The following PPP3CA variants were observed in gnomAD, a reference collection of about 807,000 sequenced individuals.
The protein encoded by PPP3CA is protein phosphatase 3 catalytic subunit alpha.
PPP3CA carries 14 observed loss-of-function variants against 66.5 expected under a neutral mutation model. The ratio of observed to expected loss-of-function variants is 0.21; its 90% CI spans 0.14 to 0.33. The LOEUF is 0.33. Among genes scored for constraint, PPP3CA ranks in the 10% least tolerant of loss-of-function variants. PPP3CA has a pLI of 1.00. For missense variants in PPP3CA, 317 were observed against 639.5 expected (o/e 0.50, Z 5.44); for synonymous variants, 232 against 226.2 (o/e 1.03, Z -0.23).
Position 101,109,142 on chromosome 4 carries a change from T to A in PPP3CA, c.260-64A>T, listed in dbSNP as rs1721559801. On this transcript the variant is annotated intron_variant, in intron 2 of 13. Coordinates refer to ENST00000394854, the MANE Select transcript of PPP3CA (RefSeq NM_000944.5). ...TAGGACTTTGAATTAAATAATAAAA[T>A]TACAAAATTTTAGAACCAGAATTAA... is the stretch of plus-strand genomic sequence containing the variant. 3 of 1,447,064 alleles carry A rather than the reference T, an allele frequency of 2.1e-6. No homozygotes were observed. The Admixed American group carries it at 5.9e-5, about 28-fold the overall frequency. The allele number at this position is 1,447,064 out of a possible 1,614,324, so 89.6% of individuals were successfully genotyped here. A position where few individuals can be genotyped will look rare whatever the true frequency, so the allele number is the denominator to read the frequency against.
chr4:101,054,808 T>TA (rs1728160532), intron 10 of PPP3CA, among the ~76,000 whole-genome samples: 2 of 152,104 alleles, frequency 1.3e-5, no homozygotes, highest in Non-Finnish European at 1.5e-5. Context: ...TTCACTTGCT[T>TA]ATGGTTAACA....
intron 1 of PPP3CA, among the ~76,000 whole-genome samples, chr4:101,262,382 T>C (rs1280615595): frequency 6.6e-6 from 1 of 152,156 alleles, no homozygotes; most frequent in Non-Finnish European, 1.5e-5. Flanking sequence ...AATATAAGTA[T>C]ATATAATTAT....
intron 1 of PPP3CA, among the ~76,000 whole-genome samples, chr4:101,207,031 A>T (rs1036530361): frequency 6.6e-6 from 1 of 152,150 alleles, no homozygotes; most frequent in Non-Finnish European, 1.5e-5. Flanking sequence ...CAGATAGAAA[A>T]CTGAAAAGGG....
At position 101,106,267 on chromosome 4, in the gene PPP3CA, G is replaced by C. The variant is rs369360490; in HGVS notation, c.384+2687C>G. Among the ~76,000 whole-genome samples, 15 of 151,520 alleles carry C rather than the reference G, an allele frequency of 9.9e-5. No homozygotes were observed. In the South Asian group the frequency reaches 2.1e-3, roughly 21 times the overall value. ...GACAGGCAGATTGAAGCTGCAGTGA[G>C]CTATGACTGTGCCACTGCAGAGAAT... On this transcript the variant is annotated intron_variant, in intron 3 of 13. Transcript: ENST00000394854.
intron 2 of PPP3CA, among the ~76,000 whole-genome samples, chr4:101,175,328 C>G (rs909889221): frequency 2.0e-5 from 3 of 152,232 alleles, no homozygotes; most frequent in East Asian, 3.9e-4. Flanking sequence ...TAATAGCCAA[C>G]TATAATTGAA....
chr4:101,345,422 C>T (rs935039750), intron 1 of PPP3CA, among the ~76,000 whole-genome samples: 3 of 152,192 alleles, frequency 2.0e-5, no homozygotes, highest in Non-Finnish European at 4.4e-5. Context: ...TTGCCTTGCA[C>T]TCTAGTTGCA....
intron 2 of PPP3CA, among the ~76,000 whole-genome samples, chr4:101,135,789 G>T (rs80009861): frequency 0.013 from 1,999 of 152,220 alleles, 38 homozygotes; most frequent in African/African-American, 0.045. Flanking sequence ...ACACCAAGTC[G>T]TTATTTTTAT....
chr4:101,242,705 T>C (rs954426870), intron 1 of PPP3CA, among the ~76,000 whole-genome samples: 9 of 152,062 alleles, frequency 5.9e-5, no homozygotes, highest in Non-Finnish European at 1.2e-4. Context: ...GGCAGGAGAA[T>C]AGCTTGAGAC....
At chr4:101,315,116 G>C (rs554610370) in intron 1 of PPP3CA, among the ~76,000 whole-genome samples, 12 of 152,230 alleles carry the variant, frequency 7.9e-5, no homozygotes, top group African/African-American at 2.9e-4. Context: ...CATGAGGGCT[G>C]AGTCCTCCTA....
chr4:101,132,649 C>T (rs1578479434), intron 2 of PPP3CA, among the ~76,000 whole-genome samples: 1 of 152,164 alleles, frequency 6.6e-6, no homozygotes, highest in Non-Finnish European at 1.5e-5. Context: ...GATGTATTCA[C>T]AGCCGAATTC....
intron 6 of PPP3CA, among the ~76,000 whole-genome samples, chr4:101,091,672 C>G (rs1729948617): frequency 6.6e-6 from 1 of 151,778 alleles, no homozygotes; most frequent in Non-Finnish European, 1.5e-5. Context: ...AGATCAACGT[C>G]CTATAGAAGG....
chr4:101,077,932 T>C (rs985659131), intron 8 of PPP3CA, among the ~76,000 whole-genome samples: 4 of 152,060 alleles, frequency 2.6e-5, no homozygotes, highest in Non-Finnish European at 5.9e-5. Flanking sequence ...CAAAACTGCA[T>C]TACCTAGCAT....
intron 2 of PPP3CA, 47 bp from the exon 3 acceptor site, chr4:101,109,125 T>C: frequency 3.3e-6 from 5 of 1,533,012 alleles, no homozygotes; most frequent in Non-Finnish European, 4.4e-6. Context: ...GTTAGGACTT[T>C]GAATTAAATA....
intron 2 of PPP3CA, among the ~76,000 whole-genome samples, chr4:101,186,039 T>G (rs1259137529): frequency 6.6e-6 from 1 of 152,184 alleles, no homozygotes; most frequent in Non-Finnish European, 1.5e-5. Flanking sequence ...TAAAGGCGTA[T>G]TTGAGGCCAA....
intron 1 of PPP3CA, among the ~76,000 whole-genome samples, chr4:101,233,929 C>A (rs1487087933): frequency 6.6e-6 from 1 of 151,634 alleles, no homozygotes; most frequent in Non-Finnish European, 1.5e-5. Context: ...CATCTGTCTG[C>A]TGCTACCCTC....
At chr4:101,063,388 C>T in intron 8 of PPP3CA, 31 bp from the exon 9 acceptor site, 1 of 1,593,330 alleles carries the variant, frequency 6.3e-7, no homozygotes, top group African/African-American at 1.3e-5. Flanking sequence ...ATGTTAGGAA[C>T]ACAGAACATA....
At chr4:101,288,842 C>A (rs7698954) in intron 1 of PPP3CA, among the ~76,000 whole-genome samples, 12,855 of 151,984 alleles carry the variant, frequency 0.085, 1,688 homozygotes, top group African/African-American at 0.28. Context: ...GTGTTAACCC[C>A]CTAGAAAACA....
chr4:101,257,083 C>T (rs1181980002), intron 1 of PPP3CA, among the ~76,000 whole-genome samples: 1 of 151,966 alleles, frequency 6.6e-6, no homozygotes, highest in East Asian at 1.9e-4. Flanking sequence ...GGATGGGTCA[C>T]TTAACGTTTC....
At chr4:101,036,666 C>A (rs1185341139) in intron 11 of PPP3CA, among the ~76,000 whole-genome samples, 1 of 152,200 alleles carries the variant, frequency 6.6e-6, no homozygotes, top group African/African-American at 2.4e-5. Context: ...CCCGCCTTGG[C>A]CTCCCAAAGT....
Sources: allele counts gnomAD v4.1 joint callset (sites outside exome capture counted in the v4.1 genomes callset), GRCh38; gene constraint gnomAD v4.1.1; transcripts MANE v1.5; gene names NCBI Gene and HGNC (gene_info 2026-07-23, HGNC 2026-07-21).